The following PPP2R2B variants were observed in gnomAD, a reference collection of about 807,000 sequenced individuals.
PPP2R2B encodes protein phosphatase 2 regulatory subunit Bbeta.
Under a neutral mutation model 46.0 loss-of-function variants are expected in PPP2R2B, and 5 were observed. That is an observed-to-expected ratio of 0.11 (90% confidence interval 0.06 to 0.23). The LOEUF (loss-of-function observed/expected upper bound fraction) is 0.23, where lower values mean the gene tolerates loss of function less well. PPP2R2B is among the 10% of genes least tolerant of loss of function. PPP2R2B has a pLI of 1.00. For synonymous variants in PPP2R2B, 215 were observed against 206.7 expected, an observed-to-expected ratio of 1.04 and a Z score of -0.34; for missense variants, 367 against 575.0, an observed-to-expected ratio of 0.64 and a Z score of 3.70.
At position 146,828,403 on chromosome 5, in the gene PPP2R2B, T is replaced by C. The variant is rs1198037586; in HGVS notation, c.70+49599A>G. ...ATCTACAAACTAGAATCAGGGCTGGTGCATTGCTTTCAGAATGTTCCTTAT... is the reference window on the plus strand; with the variant it reads ...ATCTACAAACTAGAATCAGGGCTGGCGCATTGCTTTCAGAATGTTCCTTAT... On this transcript the variant is annotated intron_variant, in intron 2 of 9. Coordinates refer to ENST00000394411, the MANE Select transcript of PPP2R2B (RefSeq NM_181675.4). Among the ~76,000 whole-genome samples, 5 of 152,208 alleles carry C rather than the reference T, an allele frequency of 3.3e-5. No individual in the cohort carries two copies. In the South Asian group the frequency reaches 1.0e-3, roughly 32 times the overall value.
At chr5:146,985,962 G>A (rs543136345) in intron 1 of PPP2R2B, among the ~76,000 whole-genome samples, 6 of 152,246 alleles carry the variant, frequency 3.9e-5, no homozygotes, top group African/African-American at 1.4e-4. Context: ...AAAAGGTAGA[G>A]CAAGATGGCA....
intron 2 of PPP2R2B, among the ~76,000 whole-genome samples, chr5:146,822,360 T>G (rs1758313841): frequency 2.0e-5 from 3 of 152,142 alleles, no homozygotes; most frequent in Admixed American, 6.6e-5. Flanking sequence ...CAAGCCTCCA[T>G]ATGGTCTGGA....
chr5:146,663,130 T>C (rs1027126489), intron 5 of PPP2R2B, among the ~76,000 whole-genome samples: 2 of 152,170 alleles, frequency 1.3e-5, no homozygotes, highest in Non-Finnish European at 1.5e-5. Context: ...ATTCATATCA[T>C]CCTCTTTTTA....
chr5:146,700,152 C>T (rs1226350593), intron 3 of PPP2R2B, among the ~76,000 whole-genome samples: 1 of 152,106 alleles, frequency 6.6e-6, no homozygotes, highest in African/African-American at 2.4e-5. Flanking sequence ...ACAAAGCAGG[C>T]TTTAAATTGC....
intron 7 of PPP2R2B, among the ~76,000 whole-genome samples, chr5:146,601,222 G>A (rs1276166481): frequency 6.6e-6 from 1 of 152,124 alleles, no homozygotes; most frequent in Non-Finnish European, 1.5e-5. Context: ...TAGCTGCTAG[G>A]AATAACACTG....
chr5:146,903,036 T>A (rs1762885376), intron 1 of PPP2R2B, among the ~76,000 whole-genome samples: 2 of 152,168 alleles, frequency 1.3e-5, no homozygotes, highest in South Asian at 4.1e-4. Flanking sequence ...ATATGCGATA[T>A]TACAACAGAC....
intron 1 of PPP2R2B, among the ~76,000 whole-genome samples, chr5:146,981,176 C>T (rs79331363): frequency 2.6e-5 from 4 of 152,146 alleles, no homozygotes; most frequent in Admixed American, 6.5e-5. Flanking sequence ...AGGCACTCTA[C>T]AAATATTTGC....
intron 7 of PPP2R2B, among the ~76,000 whole-genome samples, chr5:146,619,941 A>C (rs59046328): frequency 0.048 from 7,298 of 152,268 alleles, 406 homozygotes; most frequent in East Asian, 0.23. Context: ...TCTGTTCAGG[A>C]TTCACAATGA....
intron 2 of PPP2R2B, among the ~76,000 whole-genome samples, chr5:146,778,954 G>A (rs1755345641): frequency 6.6e-6 from 1 of 152,204 alleles, no homozygotes; most frequent in Non-Finnish European, 1.5e-5. Flanking sequence ...ACAGCTGCCA[G>A]CTGATCAGAA....
chr5:147,026,974 G>A (rs1755555021), intron 1 of PPP2R2B, among the ~76,000 whole-genome samples: 1 of 152,136 alleles, frequency 6.6e-6, no homozygotes, highest in South Asian at 2.1e-4. Context: ...TTCTCAAAAA[G>A]CTTTCTAAAA....
intron 1 of PPP2R2B, among the ~76,000 whole-genome samples, chr5:146,945,509 A>G (rs1764451510): frequency 6.6e-6 from 1 of 152,178 alleles, no homozygotes; most frequent in Admixed American, 6.6e-5. Context: ...CAAGTCCGAT[A>G]TATTGACTAC....
chr5:147,021,384 G>GA (rs1224213039), intron 1 of PPP2R2B, among the ~76,000 whole-genome samples: 1 of 152,192 alleles, frequency 6.6e-6, no homozygotes, highest in Non-Finnish European at 1.5e-5. Flanking sequence ...TGAGAGTGGA[G>GA]AAAGAGTTTG....
At chr5:146,768,856 C>T (rs1359557615) in intron 2 of PPP2R2B, among the ~76,000 whole-genome samples, 1 of 151,318 alleles carries the variant, frequency 6.6e-6, no homozygotes, top group Non-Finnish European at 1.5e-5. Flanking sequence ...GTCAGCTTAA[C>T]TATCTTATCG....
At chr5:147,027,772 ACTC>A (rs1755600856) in intron 1 of PPP2R2B, among the ~76,000 whole-genome samples, 1 of 151,582 alleles carries the variant, frequency 6.6e-6, no homozygotes, top group Non-Finnish European at 1.5e-5. Flanking sequence ...ATGTGTTAAA[ACTC>A]CTTGAATTAT....
intron 2 of PPP2R2B, among the ~76,000 whole-genome samples, chr5:146,741,134 C>T (rs1752853618): frequency 6.6e-6 from 1 of 151,964 alleles, no homozygotes; most frequent in African/African-American, 2.4e-5. Context: ...TTGAAAAATT[C>T]CCCAGGTAAT....
chr5:146,935,837 C>G (rs1764121215), intron 1 of PPP2R2B, among the ~76,000 whole-genome samples: 1 of 152,126 alleles, frequency 6.6e-6, no homozygotes. Flanking sequence ...CTTTTGAGGT[C>G]TGCATATGCT....
intron 1 of PPP2R2B, among the ~76,000 whole-genome samples, chr5:146,926,125 A>G (rs1763774905): frequency 1.3e-5 from 2 of 152,098 alleles, no homozygotes. Flanking sequence ...TTGTCCACGA[A>G]TATTTGGTAA....
At chr5:146,933,032 T>A (rs1201321157) in intron 1 of PPP2R2B, among the ~76,000 whole-genome samples, 1 of 152,178 alleles carries the variant, frequency 6.6e-6, no homozygotes, top group Non-Finnish European at 1.5e-5. Context: ...AATATTCACG[T>A]GGGAATTATA....
intron 8 of PPP2R2B, among the ~76,000 whole-genome samples, chr5:146,597,447 A>G (rs1771287905): frequency 6.6e-6 from 1 of 152,052 alleles, no homozygotes; most frequent in Admixed American, 6.6e-5. Context: ...CCTACCTTCG[A>G]TTCAGCAGTA....
Sources: allele counts gnomAD v4.1 joint callset (sites outside exome capture counted in the v4.1 genomes callset), GRCh38; gene constraint gnomAD v4.1.1; transcripts MANE v1.5; gene names NCBI Gene and HGNC (gene_info 2026-07-23, HGNC 2026-07-21).